The following SDCCAG8 variants were observed in gnomAD, a reference collection of about 807,000 sequenced individuals.
SDCCAG8 encodes SHH signaling and ciliogenesis regulator SDCCAG8.
A neutral mutation model predicts 101.8 loss-of-function variants in SDCCAG8; 74 were observed. The ratio of observed to expected loss-of-function variants is 0.73; its 90% confidence interval spans 0.60 to 0.88. The LOEUF is 0.88. Ranked by LOEUF, SDCCAG8 falls within the 40% of genes least tolerant of loss-of-function variation. SDCCAG8 has a pLI of 0.00. For synonymous variants in SDCCAG8, 281 were observed against 292.9 expected, an observed-to-expected ratio of 0.96 and a Z score of 0.41; for missense variants, 787 against 822.6, an observed-to-expected ratio of 0.96 and a Z score of 0.53.
intron 6 of SDCCAG8, among the ~76,000 whole-genome samples, chr1:243,294,598 G>A (rs1006338190): frequency 1.4e-5 from 2 of 147,168 alleles, no homozygotes; most frequent in African/African-American, 2.5e-5. Flanking sequence ...AACCAGGCTT[G>A]CTCTGAGCCT....
chr1:243,392,884 C>T lies in SDCCAG8; in HGVS notation c.1616+14021C>T, dbSNP rs75090287. Among the ~76,000 whole-genome samples, 93 of 152,148 alleles carry T rather than the reference C, an allele frequency of 6.1e-4. No individual in the cohort carries two copies. In the East Asian group the frequency reaches 9.1e-3, roughly 15 times the overall value. On this transcript the variant is annotated intron_variant, in intron 13 of 17. Coordinates refer to ENST00000366541, the MANE Select transcript of SDCCAG8 (RefSeq NM_006642.5). ...GGGATGCCAGCAAATAAACTGTTAA[C>T]GGAGAATTAACTTCTTTGGCATGCT... is the stretch of plus-strand genomic sequence containing the variant.
At chr1:243,483,219 C>T (rs1312233867) in intron 16 of SDCCAG8, among the ~76,000 whole-genome samples, 1 of 152,052 alleles carries the variant, frequency 6.6e-6, no homozygotes, top group African/African-American at 2.4e-5. Flanking sequence ...GCGGCGGGCG[C>T]CCGGGTCTTC....
intron 1 of SDCCAG8, among the ~76,000 whole-genome samples, chr1:243,268,335 G>A (rs1038905691): frequency 2.6e-5 from 4 of 152,102 alleles, no homozygotes; most frequent in African/African-American, 7.2e-5. Flanking sequence ...TGACCAAATC[G>A]CTTTTCTATT....
intron 6 of SDCCAG8, among the ~76,000 whole-genome samples, chr1:243,301,065 A>G (rs1228648266): frequency 6.6e-6 from 1 of 152,214 alleles, no homozygotes; most frequent in Non-Finnish European, 1.5e-5. Context: ...CTGTTATAAA[A>G]AGTTAAAATT....
At chr1:243,267,621 G>T in intron 1 of SDCCAG8, 4 of 562,096 alleles carry the variant, frequency 7.1e-6, no homozygotes, top group East Asian at 3.4e-5. Context: ...AAAAAAAAAA[G>T]TCCCGGTCAA....
At chr1:243,489,261 G>C in intron 17 of SDCCAG8, 121 bp downstream of exon 17, 1 of 1,348,220 alleles carries the variant, frequency 7.4e-7, no homozygotes, top group Non-Finnish European at 1.0e-6. Context: ...AAGCTGGGAG[G>C]GAGGTCCCGA....
chr1:243,329,745 C>A (rs904405536), intron 9 of SDCCAG8, among the ~76,000 whole-genome samples: 1 of 152,100 alleles, frequency 6.6e-6, no homozygotes, highest in Non-Finnish European at 1.5e-5. Flanking sequence ...AAAAGACCTC[C>A]CCAAATTGGG....
intron 9 of SDCCAG8, 77 bp from the exon 10 acceptor site, chr1:243,330,463 T>C: frequency 6.8e-7 from 1 of 1,478,352 alleles, no homozygotes; most frequent in Admixed American, 1.7e-5. Flanking sequence ...TAAATATACT[T>C]AAAGCTTAAT....
In SDCCAG8 at chr1:243,474,345, C is replaced by T. The variant is rs1279855523; in HGVS notation, c.1986-14669C>T. Among the ~76,000 whole-genome samples the T allele has an allele frequency of 9.2e-5, 14 of 152,186 alleles. No homozygotes were observed. Among genetic ancestry groups the T allele is most frequent in the Non-Finnish European group, 2.9e-5 (2 of 68,026 alleles). ...CAAAGTCCAGAGGCCCTGCGAGCCC[C>T]CGTGGAGTCGCCTGAGCCAGATGCT... On this transcript the variant is annotated intron_variant, in intron 16 of 17. Transcript: ENST00000366541. This position sits in a 1 kb window ranked among gnomAD's most constrained non-coding sequence, Gnocchi z 4.7.
intron 5 of SDCCAG8, among the ~76,000 whole-genome samples, chr1:243,289,385 G>A (rs1055894154): frequency 6.6e-6 from 1 of 152,160 alleles, no homozygotes; most frequent in Non-Finnish European, 1.5e-5. Flanking sequence ...CCAGCCCACT[G>A]ACTCAAATGT....
At chr1:243,483,486 G>C (rs1443664060) in intron 16 of SDCCAG8, among the ~76,000 whole-genome samples, 1 of 152,070 alleles carries the variant, frequency 6.6e-6, no homozygotes, top group African/African-American at 2.4e-5. Flanking sequence ...TGGGAAGTCC[G>C]CCGTCCTCTG....
At chr1:243,393,990 C>T (rs1440402243) in intron 13 of SDCCAG8, among the ~76,000 whole-genome samples, 2 of 152,144 alleles carry the variant, frequency 1.3e-5, no homozygotes, top group Non-Finnish European at 1.5e-5. Flanking sequence ...CAAACCAACT[C>T]ATTCTGCAAA....
At chr1:243,478,273 A>C (rs1477330474) in intron 16 of SDCCAG8, among the ~76,000 whole-genome samples, 1 of 152,220 alleles carries the variant, frequency 6.6e-6, no homozygotes, top group African/African-American at 2.4e-5. Context: ...TAGAGTCAAG[A>C]GATGTGGGCT....
intron 12 of SDCCAG8, among the ~76,000 whole-genome samples, chr1:243,360,154 T>G (rs1195511106): frequency 6.7e-6 from 1 of 148,982 alleles, no homozygotes; most frequent in Non-Finnish European, 1.5e-5. Context: ...CTTTTTTTTT[T>G]TTTTTTTTTG....
chr1:243,378,120 AATATTATTTTAGCTCAGAAATCTC>A (rs1171165360), intron 12 of SDCCAG8, among the ~76,000 whole-genome samples: 1 of 151,864 alleles, frequency 6.6e-6, no homozygotes, highest in African/African-American at 2.4e-5. Context: ...TTTAAATGGA[AATATTATTTTAGCTCAGAAATCTC>A]ATACACTCTC....
chr1:243,271,211 G>T, intron 3 of SDCCAG8, 148 bp downstream of exon 3: 1 of 644,728 alleles, frequency 1.6e-6, no homozygotes, highest in South Asian at 1.8e-5. Context: ...TGATTATTTT[G>T]GCTGAAAAAA....
chr1:243,476,602 C>A (rs1662455981), intron 16 of SDCCAG8, among the ~76,000 whole-genome samples: 1 of 152,146 alleles, frequency 6.6e-6, no homozygotes, highest in Non-Finnish European at 1.5e-5. Context: ...CAGCAGTGTG[C>A]CCCCCAAACC....
At chr1:243,332,764 G>A (rs763075232) in intron 10 of SDCCAG8, among the ~76,000 whole-genome samples, 12 of 141,892 alleles carry the variant, frequency 8.5e-5, no homozygotes, top group African/African-American at 2.4e-4. Flanking sequence ...ATTGTGGTCC[G>A]GGTCTGGAGG....
intron 8 of SDCCAG8, among the ~76,000 whole-genome samples, chr1:243,314,905 T>G (rs1250790252): frequency 6.6e-6 from 1 of 152,206 alleles, no homozygotes; most frequent in Non-Finnish European, 1.5e-5. Context: ...AGACAGAGTT[T>G]CAGCATGTTG....
Sources: gnomAD v4.1 joint callset for allele counts (sites outside exome capture counted in the v4.1 genomes callset) on GRCh38, gnomAD v4.1.1 for gene constraint, Gnocchi (gnomAD v3.1) non-coding constraint, MANE v1.5 for transcripts, NCBI Gene and HGNC (gene_info 2026-07-23, HGNC 2026-07-21) for gene names.